Variants in SLC39A11 observed in about 807,000 individuals in gnomAD.
The protein encoded by SLC39A11 is solute carrier family 39 member 11, also known as zinc transporter ZIP11.
In SLC39A11, 33 loss-of-function variants were observed where a neutral mutation model predicts 36.1. That is an observed-to-expected ratio of 0.91 (90% confidence interval 0.69 to 1.22). SLC39A11 has a LOEUF of 1.22. Ranked by LOEUF, SLC39A11 falls within the 50% of genes most tolerant of loss-of-function variation. SLC39A11 has a pLI of 0.00. For missense variants in SLC39A11, 432 were observed against 430.3 expected (o/e 1.00, Z -0.03); for synonymous variants, 166 against 170.3 (o/e 0.97, Z 0.20).
chr17:72,875,636 CT>C (rs2080863880), intron 5 of SLC39A11, among the ~76,000 whole-genome samples: 2 of 152,214 alleles, frequency 1.3e-5, no homozygotes. Flanking sequence ...TCATGTGGCT[CT>C]GGTTGATTTC....
At chr17:72,709,943 T>A (rs1019198573) in intron 7 of SLC39A11, among the ~76,000 whole-genome samples, 1 of 152,236 alleles carries the variant, frequency 6.6e-6, no homozygotes, top group Admixed American at 6.5e-5. Flanking sequence ...CTCAGATTAT[T>A]TTCCCCTCAG....
chr17:72,773,793 T>C (rs2076038854), intron 6 of SLC39A11, among the ~76,000 whole-genome samples: 1 of 152,074 alleles, frequency 6.6e-6, no homozygotes, highest in African/African-American at 2.4e-5. Flanking sequence ...CATAAATAAC[T>C]TGATCTTCAC....
At chr17:72,833,512 T>A (rs551292255) in intron 6 of SLC39A11, among the ~76,000 whole-genome samples, 1 of 152,160 alleles carries the variant, frequency 6.6e-6, no homozygotes, top group Non-Finnish European at 1.5e-5. Flanking sequence ...TCTAGAGGCA[T>A]TGGGGGATGA....
intron 5 of SLC39A11, among the ~76,000 whole-genome samples, chr17:72,851,966 G>C (rs948756396): frequency 6.6e-6 from 1 of 151,966 alleles, no homozygotes; most frequent in Non-Finnish European, 1.5e-5. Context: ...ACTTTGGGAG[G>C]CCGAGGCAGG....
intron 7 of SLC39A11, among the ~76,000 whole-genome samples, chr17:72,715,188 C>T (rs1214386095): frequency 6.6e-6 from 1 of 152,184 alleles, no homozygotes; most frequent in African/African-American, 2.4e-5. Flanking sequence ...CAGGAAGTAC[C>T]CCTCTGCCCA....
intron 7 of SLC39A11, among the ~76,000 whole-genome samples, chr17:72,714,038 G>A (rs9910650): frequency 0.017 from 2,604 of 152,280 alleles, 63 homozygotes; most frequent in African/African-American, 0.056. Flanking sequence ...TAGGTTTGCC[G>A]CAAAATTGTG....
chr17:72,750,573 T>C (rs11658231), intron 6 of SLC39A11, among the ~76,000 whole-genome samples: 23,053 of 151,876 alleles, frequency 0.15, 2,006 homozygotes, highest in East Asian at 0.38. Flanking sequence ...TCCTTCAGGA[T>C]GATGAATAAC....
At chr17:72,679,813 GT>G (rs2071431310) in intron 7 of SLC39A11, among the ~76,000 whole-genome samples, 1 of 152,148 alleles carries the variant, frequency 6.6e-6, no homozygotes, top group Admixed American at 6.5e-5. Flanking sequence ...GGAGGCCAAG[GT>G]GGGCGGATCA....
chr17:72,859,516 C>T (rs976190449), intron 5 of SLC39A11, among the ~76,000 whole-genome samples: 9 of 151,962 alleles, frequency 5.9e-5, no homozygotes, highest in African/African-American at 1.7e-4. Context: ...CGCTTGGGAA[C>T]CCAGGCAGGG....
intron 6 of SLC39A11, among the ~76,000 whole-genome samples, chr17:72,804,107 T>C (rs1278295629): frequency 6.6e-6 from 1 of 152,202 alleles, no homozygotes; most frequent in Non-Finnish European, 1.5e-5. Context: ...GCCATTCTCC[T>C]GCCTCAGCCT....
At chr17:72,661,115 C>T (rs2070396578) in intron 7 of SLC39A11, among the ~76,000 whole-genome samples, 1 of 152,212 alleles carries the variant, frequency 6.6e-6, no homozygotes, top group Non-Finnish European at 1.5e-5. Context: ...AGATTTGGGG[C>T]TGAGCAACCA....
At chr17:72,946,902 C>T (rs1340988673) in intron 5 of SLC39A11, among the ~76,000 whole-genome samples, 1 of 152,208 alleles carries the variant, frequency 6.6e-6, no homozygotes, top group African/African-American at 2.4e-5. Flanking sequence ...TCTCTCCCCA[C>T]CCAGCTTCAG....
intron 5 of SLC39A11, among the ~76,000 whole-genome samples, chr17:72,925,863 A>G (rs947487741): frequency 1.3e-5 from 2 of 152,232 alleles, no homozygotes; most frequent in African/African-American, 4.8e-5. Flanking sequence ...AATGTGACAG[A>G]GATACAGCCA....
chr17:73,061,414 T>C (rs9893253), intron 3 of SLC39A11, among the ~76,000 whole-genome samples: 65,851 of 151,998 alleles, frequency 0.43, 14,571 homozygotes, highest in Non-Finnish European at 0.47. Context: ...TTCATAAAAC[T>C]GTTAACCCAC....
At chr17:72,657,645 C>G (rs1477957307) in intron 7 of SLC39A11, among the ~76,000 whole-genome samples, 1 of 152,182 alleles carries the variant, frequency 6.6e-6, no homozygotes, top group East Asian at 1.9e-4. Flanking sequence ...GGATATAGGA[C>G]TTACTCAGTG....
chr17:72,696,990 A>T (rs981347044), intron 7 of SLC39A11, among the ~76,000 whole-genome samples: 40 of 152,330 alleles, frequency 2.6e-4, no homozygotes, highest in African/African-American at 9.1e-4. Context: ...GTTCTACTAC[A>T]TTCTGCCCAC....
At chr17:72,822,300 T>C (rs1194405207) in intron 6 of SLC39A11, among the ~76,000 whole-genome samples, 1 of 147,208 alleles carries the variant, frequency 6.8e-6, no homozygotes, top group Admixed American at 6.8e-5. Flanking sequence ...ATATATAATA[T>C]ATATAGAGAG....
At chr17:72,899,819 G>A (rs751668263) in intron 5 of SLC39A11, among the ~76,000 whole-genome samples, 16 of 151,980 alleles carry the variant, frequency 1.1e-4, no homozygotes, top group Admixed American at 2.6e-4. Context: ...AAAGTTAGCC[G>A]GGCGTGGGGG....
In SLC39A11 at chr17:72,913,185, A is replaced by G. The variant is rs1407314758; in HGVS notation, c.430+34567T>C. 4.4e-5 allele frequency among the ~76,000 whole-genome samples: 6 copies of G among 135,156 alleles called. No individual in the cohort carries two copies. In the East Asian group the frequency reaches 9.8e-4, roughly 22 times the overall value. The allele number at this position is 135,156 out of a possible 152,430, so 88.7% of individuals were successfully genotyped here. ...CAGGAGGAAAGAAATTGGAGGGTGT[A>G]GGGGCAAAAAAAAAAATCCTTTTTT... On this transcript the variant is annotated intron_variant, in intron 5 of 9. Coordinates refer to ENST00000255559, the MANE Select transcript of SLC39A11 (RefSeq NM_139177.4).
Sources: gnomAD v4.1 joint callset for allele counts (sites outside exome capture counted in the v4.1 genomes callset) on GRCh38, gnomAD v4.1.1 for gene constraint, MANE v1.5 for transcripts, NCBI Gene and HGNC (gene_info 2026-07-23, HGNC 2026-07-21) for gene names.